Variants in MMP28 observed in about 807,000 individuals in gnomAD.
MMP28 encodes matrix metallopeptidase 28.
In MMP28, 55 loss-of-function variants were observed where a neutral mutation model predicts 60.5. The ratio of observed to expected loss-of-function variants is 0.91; its 90% CI spans 0.73 to 1.14. MMP28 has a LOEUF of 1.14. Among genes scored for constraint, MMP28 ranks in the 50% most tolerant of loss-of-function variants. The pLI is 0.00. For synonymous variants in MMP28, 318 were observed against 312.5 expected, an observed-to-expected ratio of 1.02 and a Z score of -0.18; for missense variants, 686 against 738.3, an observed-to-expected ratio of 0.93 and a Z score of 0.82.
intron 3 of MMP28, among the ~76,000 whole-genome samples, chr17:35,777,994 TC>T (rs1159326470): frequency 6.6e-6 from 1 of 152,198 alleles, no homozygotes; most frequent in African/African-American, 2.4e-5. Context: ...CGCCACTGAC[TC>T]CAGCCTGTGT....
At chr17:35,777,834 C>T (rs986591842) in intron 3 of MMP28, among the ~76,000 whole-genome samples, 1 of 152,232 alleles carries the variant, frequency 6.6e-6, no homozygotes, top group Non-Finnish European at 1.5e-5. Context: ...TCGAGACCAG[C>T]CTGGCCAACA....
chr17:35,771,450 A>G (rs2086137171), intron 4 of MMP28, among the ~76,000 whole-genome samples: 1 of 149,050 alleles, frequency 6.7e-6, no homozygotes, highest in Non-Finnish European at 1.5e-5. Flanking sequence ...AAAAAAAAAA[A>G]AGAATTACTT....
intron 1 of MMP28, among the ~76,000 whole-genome samples, chr17:35,780,794 A>T (rs59252034): frequency 0.025 from 3,760 of 151,570 alleles, 73 homozygotes; most frequent in East Asian, 0.11. Flanking sequence ...GAGATCACGC[A>T]GCTGCACTCC....
intron 3 of MMP28, among the ~76,000 whole-genome samples, chr17:35,774,342 G>A (rs1473134092): frequency 4.6e-5 from 7 of 152,092 alleles, no homozygotes; most frequent in African/African-American, 9.7e-5. Context: ...GAAGACTCGC[G>A]GCTTGGAGGC....
chr17:35,769,006 A>C (rs2086036240), intron 5 of MMP28, among the ~76,000 whole-genome samples: 1 of 152,216 alleles, frequency 6.6e-6, no homozygotes, highest in South Asian at 2.1e-4. Flanking sequence ...TCATGAGGGC[A>C]GAGTCCAGAG....
chr17:35,761,599 G>C (rs1282704458), downstream of MMP28, among the ~76,000 whole-genome samples: 2 of 151,926 alleles, frequency 1.3e-5, no homozygotes, highest in East Asian at 3.9e-4. Context: ...CTTAACATCT[G>C]CTTCATCATC....
In MMP28 at chr17:35,781,474, T is replaced by C. The variant is rs569242242; in HGVS notation, c.112-2151A>G. On this transcript the variant is annotated intron_variant, in intron 1 of 7. Coordinates refer to ENST00000605424, the MANE Select transcript of MMP28 (RefSeq NM_024302.5). ...AGCTCCTCTGGGGAAATTGGTATAA[T>C]TGAGAACATCTCAGGGTCCAGGTAC... Among the ~76,000 whole-genome samples the C allele has an allele frequency of 2.6e-5, 4 of 152,314 alleles. No individual in the cohort carries two copies. In the South Asian group the frequency reaches 8.3e-4, roughly 32 times the overall value.
At position 35,766,930 on chromosome 17, in the gene MMP28, G is replaced by C; in HGVS notation, c.1169-36C>G. On this transcript the variant is annotated intron_variant, in intron 7 of 7. Coordinates refer to ENST00000605424, the MANE Select transcript of MMP28 (RefSeq NM_024302.5). The surrounding 1 kb of genome is among the most constrained non-coding windows in gnomAD (Gnocchi z 4.3). ...TTGGGAGAGCCAGGGTGAGCTGGAG[G>C]CTGTCACCCATTGGCCCTCTACCCC... is the stretch of plus-strand genomic sequence containing the variant. 1 of 1,542,486 alleles carries C rather than the reference G, an allele frequency of 6.5e-7. No homozygotes were observed. The highest frequency in any genetic ancestry group is 8.7e-7 in the Non-Finnish European group (1 of 1,142,966).
intron 1 of MMP28, among the ~76,000 whole-genome samples, chr17:35,792,884 A>C (rs1031024629): frequency 6.6e-6 from 1 of 152,224 alleles, no homozygotes; most frequent in Non-Finnish European, 1.5e-5. Context: ...CAATCTTGTG[A>C]AATAGGCATT....
intron 2 of MMP28, among the ~76,000 whole-genome samples, chr17:35,760,135 G>A (rs896642739): frequency 2.0e-5 from 3 of 152,140 alleles, no homozygotes; most frequent in East Asian, 1.9e-4. Context: ...ATGGAGGATC[G>A]CAGATCACTA....
intron 5 of MMP28, among the ~76,000 whole-genome samples, chr17:35,769,325 C>CTCAT (rs2086046321): frequency 6.6e-6 from 1 of 152,234 alleles, no homozygotes; most frequent in African/African-American, 2.4e-5. Context: ...ACAAAGCATG[C>CTCAT]TCATACCCAG....
chr17:35,786,056 GT>G (rs34123485), intron 1 of MMP28, among the ~76,000 whole-genome samples: 415 of 134,170 alleles, frequency 3.1e-3, no homozygotes, highest in Middle Eastern at 3.9e-3. Flanking sequence ...TCACCTTCTT[GT>G]TTTTTTTTTT....
intron 7 of MMP28, among the ~76,000 whole-genome samples, chr17:35,767,470 T>C (rs892382242): frequency 6.6e-6 from 1 of 152,204 alleles, no homozygotes; most frequent in Non-Finnish European, 1.5e-5. Flanking sequence ...CCAAGGAAGA[T>C]CCAGCTTTCT....
chr17:35,775,855 A>G (rs1338050403), intron 3 of MMP28, among the ~76,000 whole-genome samples: 1 of 152,208 alleles, frequency 6.6e-6, no homozygotes, highest in Non-Finnish European at 1.5e-5. Context: ...AGGTACCTGC[A>G]ATGAGGTTGC....
chr17:35,763,226 G>A (rs2085859706), downstream of MMP28, among the ~76,000 whole-genome samples: 1 of 152,000 alleles, frequency 6.6e-6, no homozygotes, highest in African/African-American at 2.4e-5. Flanking sequence ...TTGAAGCCAG[G>A]AGTTCAGAGA....
downstream of MMP28, chr17:35,764,109 A>T: frequency 6.5e-7 from 1 of 1,550,246 alleles, no homozygotes; most frequent in South Asian, 1.2e-5. Context: ...GACGAGGACA[A>T]CCAGAGGCCG....
chr17:35,773,034 A>G (rs1038362358), intron 4 of MMP28, 146 bp downstream of exon 4: 17 of 667,784 alleles, frequency 2.5e-5, no homozygotes, highest in Non-Finnish European at 4.0e-5. Context: ...TTCCCATTTT[A>G]GGATGAGGAG....
chr17:35,789,816 C>G (rs2086756623), intron 1 of MMP28, among the ~76,000 whole-genome samples: 1 of 150,192 alleles, frequency 6.7e-6, no homozygotes, highest in African/African-American at 2.5e-5. Flanking sequence ...AGCTGGAGTG[C>G]AGTGGCGCGA....
chr17:35,794,599 C>CA (rs1261177309), intron 1 of MMP28, among the ~76,000 whole-genome samples: 5 of 152,014 alleles, frequency 3.3e-5, no homozygotes, highest in Non-Finnish European at 7.4e-5. Flanking sequence ...CCCTACCTCA[C>CA]AAAAAAATTC....
Sources: gnomAD v4.1 joint callset for allele counts (sites outside exome capture counted in the v4.1 genomes callset) on GRCh38, gnomAD v4.1.1 for gene constraint, Gnocchi (gnomAD v3.1) non-coding constraint, MANE v1.5 for transcripts, NCBI Gene and HGNC (gene_info 2026-07-23, HGNC 2026-07-21) for gene names.